The following DLG2 variants were observed in gnomAD, a reference collection of about 807,000 sequenced individuals.
DLG2 encodes the protein discs large MAGUK scaffold protein 2.
A neutral mutation model predicts 132.5 loss-of-function variants in DLG2; 45 were observed. The observed-to-expected ratio is 0.34, with a 90% CI of 0.27 to 0.44. The LOEUF (loss-of-function observed/expected upper bound fraction) is 0.44, where lower values mean the gene tolerates loss of function less well. Ranked by LOEUF, DLG2 falls within the 20% of genes least tolerant of loss-of-function variation. DLG2 has a pLI of 1.00. For synonymous variants in DLG2, 424 were observed against 419.6 expected, an observed-to-expected ratio of 1.01 and a Z score of -0.13; for missense variants, 1,045 against 1,196.9, an observed-to-expected ratio of 0.87 and a Z score of 1.87.
At chr11:85,325,201 G>T (rs1195805597) in intron 3 of DLG2, among the ~76,000 whole-genome samples, 1 of 149,772 alleles carries the variant, frequency 6.7e-6, no homozygotes, top group African/African-American at 2.4e-5. Flanking sequence ...GGGGAGGGGC[G>T]CCCGCCATTG....
chr11:85,551,170 T>C (rs1165448582), intron 3 of DLG2, among the ~76,000 whole-genome samples: 1 of 152,226 alleles, frequency 6.6e-6, no homozygotes, highest in Non-Finnish European at 1.5e-5. Context: ...GAAGCATTTT[T>C]GAGATAGACA....
chr11:85,300,343 A>G (rs1327721989), intron 3 of DLG2, among the ~76,000 whole-genome samples: 1 of 152,190 alleles, frequency 6.6e-6, no homozygotes, highest in African/African-American at 2.4e-5. Context: ...GAGTACCTGA[A>G]GCACTAAAAC....
intron 7 of DLG2, among the ~76,000 whole-genome samples, chr11:84,449,195 G>A (rs554733046): frequency 6.6e-6 from 1 of 151,888 alleles, no homozygotes; most frequent in East Asian, 1.9e-4. Context: ...ACAGTAACAA[G>A]TGATCTTTTG....
At chr11:83,531,348 T>G (rs754081881) in intron 21 of DLG2, among the ~76,000 whole-genome samples, 10 of 151,816 alleles carry the variant, frequency 6.6e-5, no homozygotes, top group Non-Finnish European at 1.2e-4. Flanking sequence ...GGGCAAAGGA[T>G]CTCAATAAAC....
chr11:85,559,155 AT>A (rs1185312599), intron 3 of DLG2, among the ~76,000 whole-genome samples: 2,113 of 140,254 alleles, frequency 0.015, 26 homozygotes, highest in African/African-American at 0.04. Context: ...TATTATTATT[AT>A]TTTTTTTTTT....
chr11:85,539,733 A>G (rs1191200610), intron 3 of DLG2, among the ~76,000 whole-genome samples: 1 of 152,204 alleles, frequency 6.6e-6, no homozygotes, highest in African/African-American at 2.4e-5. Flanking sequence ...GTGTACCCAC[A>G]AAAATGTTAA....
chr11:85,322,136 C>A (rs935590292), intron 3 of DLG2, among the ~76,000 whole-genome samples: 1 of 152,052 alleles, frequency 6.6e-6, no homozygotes, highest in Non-Finnish European at 1.5e-5. Context: ...AGATACACTC[C>A]ACCTTCTGGT....
chr11:84,914,766 GC>G (rs1196524162), intron 6 of DLG2, among the ~76,000 whole-genome samples: 41 of 152,296 alleles, frequency 2.7e-4, no homozygotes, highest in Admixed American at 7.8e-4. Flanking sequence ...TTGCTGTGAG[GC>G]CCGGAACAAG....
chr11:85,067,838 G>A (rs2065162615), intron 6 of DLG2, among the ~76,000 whole-genome samples: 1 of 151,966 alleles, frequency 6.6e-6, no homozygotes, highest in African/African-American at 2.4e-5. Context: ...GCCTGGGAGA[G>A]ACACAACAAA....
intron 6 of DLG2, among the ~76,000 whole-genome samples, chr11:84,900,915 C>T (rs903637637): frequency 5.3e-5 from 8 of 151,926 alleles, no homozygotes; most frequent in African/African-American, 1.9e-4. Flanking sequence ...TATGCAAGGC[C>T]ATTGAGGATC....
intron 18 of DLG2, among the ~76,000 whole-genome samples, chr11:83,722,178 G>GT (rs2088763365): frequency 6.6e-6 from 1 of 151,076 alleles, no homozygotes; most frequent in African/African-American, 2.4e-5. Context: ...AATTTTTAAC[G>GT]TTTTGACAAA....
intron 24 of DLG2, among the ~76,000 whole-genome samples, chr11:83,471,144 T>A (rs533569193): frequency 6.6e-6 from 1 of 152,112 alleles, no homozygotes; most frequent in African/African-American, 2.4e-5. Flanking sequence ...CATTTTCTTG[T>A]CTTCACCCTC....
intron 12 of DLG2, among the ~76,000 whole-genome samples, chr11:83,966,664 T>A (rs1288863912): frequency 1.3e-5 from 2 of 152,044 alleles, no homozygotes; most frequent in Non-Finnish European, 2.9e-5. Flanking sequence ...CAGCATGATG[T>A]TATATCACAC....
intron 19 of DLG2, among the ~76,000 whole-genome samples, chr11:83,603,944 C>T (rs906665740): frequency 6.6e-6 from 1 of 152,106 alleles, no homozygotes; most frequent in Admixed American, 6.5e-5. Flanking sequence ...TCACATTTCA[C>T]CTCAGAAAAG....
At chr11:83,737,072 C>T (rs949471086) in intron 18 of DLG2, among the ~76,000 whole-genome samples, 5 of 152,116 alleles carry the variant, frequency 3.3e-5, no homozygotes, top group African/African-American at 1.2e-4. Flanking sequence ...CACTGTAGAG[C>T]CCCAAAAACC....
intron 2 of DLG2, among the ~76,000 whole-genome samples, chr11:85,605,900 C>G (rs1438838112): frequency 1.3e-5 from 2 of 152,052 alleles, no homozygotes; most frequent in Non-Finnish European, 2.9e-5. Context: ...ATCACTTGAA[C>G]CCGGGAGGCG....
intron 3 of DLG2, among the ~76,000 whole-genome samples, chr11:85,437,254 C>T (rs1202091262): frequency 6.7e-6 from 1 of 150,294 alleles, no homozygotes; most frequent in Non-Finnish European, 1.5e-5. Flanking sequence ...CACCATGCCA[C>T]ATGTATACCT....
chr11:85,279,319 T>C (rs1595903600), intron 4 of DLG2, among the ~76,000 whole-genome samples: 1 of 151,568 alleles, frequency 6.6e-6, no homozygotes. Context: ...TGAATATACA[T>C]ACCAGATGCT....
chr11:83,938,545 T>C (rs1048360653), intron 14 of DLG2, among the ~76,000 whole-genome samples: 25 of 152,202 alleles, frequency 1.6e-4, no homozygotes, highest in South Asian at 1.0e-3. Context: ...TTAAAATCCA[T>C]AGTTGATAAG....
Sources: allele counts gnomAD v4.1 joint callset (sites outside exome capture counted in the v4.1 genomes callset), GRCh38; gene constraint gnomAD v4.1.1; transcripts MANE v1.5; gene names NCBI Gene and HGNC (gene_info 2026-07-23, HGNC 2026-07-21).